The following COL4A6 variants were observed in gnomAD, a reference collection of about 807,000 sequenced individuals.
The protein encoded by COL4A6 is collagen alpha-6(IV) chain.
A neutral mutation model predicts 126.7 loss-of-function variants in COL4A6; 59 were observed. The observed-to-expected ratio is 0.47, with a 90% CI of 0.38 to 0.58. The LOEUF is 0.58. Ranked by LOEUF, COL4A6 falls within the 20% of genes least tolerant of loss-of-function variation. COL4A6 has a pLI of 0.00. For missense variants in COL4A6, 1,285 were observed against 1,337.3 expected, an observed-to-expected ratio of 0.96 and a Z score of 0.61; for synonymous variants, 547 against 496.6, an observed-to-expected ratio of 1.10 and a Z score of -1.35.
At chrX:108,370,781 T>A (rs2148098210) in intron 2 of COL4A6, among the ~76,000 whole-genome samples, 1 of 111,361 alleles carries the variant, frequency 9.0e-6, no homozygotes, top group East Asian at 2.8e-4. Flanking sequence ...GGTGGAGAAA[T>A]TAAAGCTCCT....
chrX:108,162,737 CCTT>C (rs1444612217), intron 41 of COL4A6, among the ~76,000 whole-genome samples, 152 bp downstream of exon 41: 1 of 111,904 alleles, frequency 8.9e-6, no homozygotes, highest in Non-Finnish European at 1.9e-5. Context: ...TCCTGCTGGC[CCTT>C]CTTCTCCCCA....
At chrX:108,211,062 T>C (rs2035686848) in intron 7 of COL4A6, among the ~76,000 whole-genome samples, 1 of 111,930 alleles carries the variant, frequency 8.9e-6, no homozygotes, top group African/African-American at 3.2e-5. Flanking sequence ...TGCAAGGGAA[T>C]AGGGCCAATC....
rs1167643750 is a variant in COL4A6, at chrX:108,316,794, G to A, written c.64-5966C>T. Reference sequence around the variant, plus strand: ...AAAGGGAACAGCAAGTGCAAAGGCAGTAAATGAGAGAATATGCTTGATGTT... The same window carrying A: ...AAAGGGAACAGCAAGTGCAAAGGCAATAAATGAGAGAATATGCTTGATGTT... On this transcript the variant is annotated intron_variant, in intron 2 of 44. Coordinates refer to ENST00000334504, the MANE Select transcript of COL4A6 (RefSeq NM_033641.4). 8.9e-5 allele frequency among the ~76,000 whole-genome samples: 10 copies of A among 112,524 alleles called. No individual in the cohort carries two copies. The Admixed American group carries it at 9.4e-4, about 11-fold the overall frequency.
At chrX:108,187,617 A>G (rs1380027774) in intron 22 of COL4A6, among the ~76,000 whole-genome samples, 2 of 112,144 alleles carry the variant, frequency 1.8e-5, no homozygotes, top group East Asian at 5.6e-4. Context: ...TTTAAGTCAT[A>G]TGGTCAGGTG....
intron 12 of COL4A6, among the ~76,000 whole-genome samples, chrX:108,203,586 C>A (rs2035454110): frequency 8.9e-6 from 1 of 112,288 alleles, no homozygotes; most frequent in African/African-American, 3.2e-5. Context: ...AGAAAGGAGA[C>A]TAAACACATT....
chrX:108,435,797 T>C (rs1199400220), intron 2 of COL4A6, among the ~76,000 whole-genome samples: 1 of 112,248 alleles, frequency 8.9e-6, no homozygotes, highest in Non-Finnish European at 1.9e-5. Flanking sequence ...GGCAGCTTAA[T>C]TCTCACAGTA....
intron 2 of COL4A6, among the ~76,000 whole-genome samples, chrX:108,406,505 A>C (rs1169119513): frequency 3.6e-5 from 4 of 110,839 alleles, no homozygotes; most frequent in Non-Finnish European, 5.7e-5. Flanking sequence ...GTACCTGCCT[A>C]TTCTAGGCTT....
chrX:108,366,311 C>T (rs2040197156), intron 2 of COL4A6, among the ~76,000 whole-genome samples: 1 of 111,653 alleles, frequency 9.0e-6, no homozygotes, highest in Non-Finnish European at 1.9e-5. Context: ...GGATTAGAGG[C>T]GGTACCAAAA....
intron 14 of COL4A6, among the ~76,000 whole-genome samples, chrX:108,195,808 C>G (rs555737468): frequency 9.0e-6 from 1 of 111,216 alleles, no homozygotes; most frequent in Non-Finnish European, 1.9e-5. Context: ...ATTTTCAAGA[C>G]AAGGAGCGGG....
chrX:108,352,490 C>G (rs1327563606), intron 2 of COL4A6, among the ~76,000 whole-genome samples: 1 of 111,946 alleles, frequency 8.9e-6, no homozygotes, highest in Non-Finnish European at 1.9e-5. Context: ...CCATATGGAG[C>G]ACTTACTATG....
chrX:108,180,404 T>C, intron 25 of COL4A6, 111 bp downstream of exon 25: 1 of 644,549 alleles, frequency 1.6e-6, no homozygotes, highest in South Asian at 2.8e-5. Context: ...GAGAGCAAAC[T>C]TGGCTTCCTG....
At chrX:108,249,273 T>C (rs1216519449) in intron 3 of COL4A6, among the ~76,000 whole-genome samples, 2 of 110,748 alleles carry the variant, frequency 1.8e-5, no homozygotes, top group Non-Finnish European at 3.8e-5. Context: ...AAGTGTTTAG[T>C]AGAGACTTCC....
chrX:108,354,780 C>G (rs2039922737), intron 2 of COL4A6, among the ~76,000 whole-genome samples: 1 of 110,588 alleles, frequency 9.0e-6, no homozygotes, highest in African/African-American at 3.3e-5. Flanking sequence ...CTATGGCAAC[C>G]TGAAAGTCTG....
chrX:108,406,189 T>C (rs775347728), intron 2 of COL4A6, among the ~76,000 whole-genome samples: 1 of 111,656 alleles, frequency 9.0e-6, no homozygotes, highest in Admixed American at 9.5e-5. Context: ...TAGGCTGGTG[T>C]CAAACTCCTG....
intron 2 of COL4A6, among the ~76,000 whole-genome samples, chrX:108,393,250 A>G (rs180850570): frequency 8.9e-6 from 1 of 112,535 alleles, no homozygotes; most frequent in East Asian, 2.8e-4. Flanking sequence ...TCAACCGATG[A>G]ATGGATAAAC....
chrX:108,382,369 C>T (rs968879736), intron 2 of COL4A6, among the ~76,000 whole-genome samples: 3 of 111,531 alleles, frequency 2.7e-5, no homozygotes, highest in African/African-American at 9.8e-5. Flanking sequence ...AAACACTTAC[C>T]ACAGTGCCTG....
chrX:108,229,423 C>T (rs1307476166), intron 3 of COL4A6, among the ~76,000 whole-genome samples: 2 of 111,874 alleles, frequency 1.8e-5, no homozygotes, highest in Admixed American at 1.9e-4. Flanking sequence ...ATTTTCGCTC[C>T]TTAGCATGCA....
At chrX:108,336,136 AC>A (rs1410344325) in intron 2 of COL4A6, among the ~76,000 whole-genome samples, 1 of 111,862 alleles carries the variant, frequency 8.9e-6, no homozygotes, top group Non-Finnish European at 1.9e-5. Context: ...CTAGGTGTAT[AC>A]CCAAAAGAAT....
intron 2 of COL4A6, among the ~76,000 whole-genome samples, chrX:108,429,994 C>T (rs1272140645): frequency 1.8e-5 from 2 of 111,733 alleles, no homozygotes; most frequent in African/African-American, 3.3e-5. Context: ...CCTGGACATC[C>T]TAAGTACAAG....
Sources: allele counts gnomAD v4.1 joint callset (sites outside exome capture counted in the v4.1 genomes callset), GRCh38; gene constraint gnomAD v4.1.1; transcripts MANE v1.5; gene names NCBI Gene and HGNC (gene_info 2026-07-23, HGNC 2026-07-21).